The following LRFN2 variants were observed in gnomAD, a reference collection of about 807,000 sequenced individuals.
LRFN2 encodes leucine rich repeat and fibronectin type III domain containing 2.
In LRFN2, 18 loss-of-function variants were observed where a neutral mutation model predicts 37.3. That is an observed-to-expected ratio of 0.48 (90% CI 0.33 to 0.72). The LOEUF (loss-of-function observed/expected upper bound fraction) is 0.72. Ranked by LOEUF, LRFN2 falls within the 30% of genes least tolerant of loss-of-function variation. LRFN2 has a pLI of 0.02. For missense variants in LRFN2, 1,006 were observed against 1,060.7 expected (o/e 0.95, Z 0.72); for synonymous variants, 556 against 466.6 (o/e 1.19, Z -2.47).
intron 2 of LRFN2, among the ~76,000 whole-genome samples, chr6:40,423,648 C>G (rs1763280232): frequency 6.6e-6 from 1 of 152,154 alleles, no homozygotes; most frequent in African/African-American, 2.4e-5. Flanking sequence ...TGCATTGTGC[C>G]TAACTTGGAA....
chr6:40,511,501 C>T (rs1208705593), intron 1 of LRFN2, among the ~76,000 whole-genome samples: 1 of 152,182 alleles, frequency 6.6e-6, no homozygotes, highest in African/African-American at 2.4e-5. Flanking sequence ...CTCTCTAAGT[C>T]ACAAACTGGT....
rs548305287 is a variant in LRFN2, at chr6:40,446,396, G to A, written c.-18-13265C>T. The stretch of plus-strand genomic sequence containing the variant: ...CTGCTCACCTGTTATGGGGGCTACA[G>A]AGGAGAAAGGATCTCCCCCTTCCCT... On this transcript the variant is annotated intron_variant, in intron 1 of 2. Coordinates refer to ENST00000338305, the MANE Select transcript of LRFN2 (RefSeq NM_020737.3). Among the ~76,000 whole-genome samples, 434 of 152,338 alleles carry A rather than the reference G, an allele frequency of 2.8e-3. 3 individuals are homozygous for A. The highest frequency in any genetic ancestry group is 9.8e-3 in the African/African-American group (408 of 41,566).
chr6:40,410,479 C>T (rs1350652311), intron 2 of LRFN2, among the ~76,000 whole-genome samples: 1 of 152,154 alleles, frequency 6.6e-6, no homozygotes, highest in South Asian at 2.1e-4. Context: ...TTGACTATAT[C>T]TTTACTCCCT....
chr6:40,569,553 G>A (rs1050525934), intron 1 of LRFN2, among the ~76,000 whole-genome samples: 3 of 152,178 alleles, frequency 2.0e-5, no homozygotes, highest in African/African-American at 7.2e-5. Flanking sequence ...GTGGTTGGGG[G>A]CAGGAGCGGC....
intron 1 of LRFN2, among the ~76,000 whole-genome samples, chr6:40,560,039 T>C (rs912987281): frequency 3.3e-5 from 5 of 152,144 alleles, no homozygotes; most frequent in African/African-American, 1.2e-4. Context: ...CCTTCCTCTC[T>C]GCATTGTCTC....
At chr6:40,515,607 G>A (rs1173295575) in intron 1 of LRFN2, among the ~76,000 whole-genome samples, 2 of 152,134 alleles carry the variant, frequency 1.3e-5, no homozygotes, top group African/African-American at 2.4e-5. Context: ...TAAGAATTCC[G>A]GCTGGGCGCG....
intron 1 of LRFN2, among the ~76,000 whole-genome samples, chr6:40,485,655 G>A (rs1363059788): frequency 6.6e-6 from 1 of 152,162 alleles, no homozygotes; most frequent in Non-Finnish European, 1.5e-5. Flanking sequence ...AGGCCAGGCT[G>A]CTCCTTAGAG....
chr6:40,460,275 T>C (rs2113849422), intron 1 of LRFN2, among the ~76,000 whole-genome samples: 1 of 152,274 alleles, frequency 6.6e-6, no homozygotes, highest in African/African-American at 2.4e-5. Flanking sequence ...TCACCAGGGT[T>C]CTGGCCACAG....
chr6:40,578,156 T>C (rs1375802121), intron 1 of LRFN2, among the ~76,000 whole-genome samples: 2 of 152,166 alleles, frequency 1.3e-5, no homozygotes, highest in Non-Finnish European at 2.9e-5. Flanking sequence ...CTAACTCCCA[T>C]CCTCTGGGGT....
At chr6:40,548,745 T>C (rs1766711387) in intron 1 of LRFN2, among the ~76,000 whole-genome samples, 1 of 152,196 alleles carries the variant, frequency 6.6e-6, no homozygotes, top group Non-Finnish European at 1.5e-5. Context: ...GTTGGGAGAA[T>C]GTATTCTCTC....
intron 1 of LRFN2, among the ~76,000 whole-genome samples, chr6:40,563,297 A>G (rs1473660679): frequency 6.6e-6 from 1 of 152,126 alleles, no homozygotes; most frequent in Non-Finnish European, 1.5e-5. Context: ...TAGACTCACA[A>G]GCACAGCAGC....
intron 1 of LRFN2, among the ~76,000 whole-genome samples, chr6:40,499,387 CATT>C (rs1033173597): frequency 6.7e-6 from 1 of 150,160 alleles, no homozygotes; most frequent in Non-Finnish European, 1.5e-5. Context: ...TCCTTCCAGA[CATT>C]TTTTTTTTTA....
intron 1 of LRFN2, among the ~76,000 whole-genome samples, chr6:40,584,572 A>G (rs1286558743): frequency 6.6e-6 from 1 of 152,166 alleles, no homozygotes; most frequent in Non-Finnish European, 1.5e-5. Flanking sequence ...CTCTGCTTCC[A>G]GTCTAGCAGC....
chr6:40,435,014 C>CATATATATATATAT (rs368583078), intron 1 of LRFN2, among the ~76,000 whole-genome samples: 2 of 47,994 alleles, frequency 4.2e-5, no homozygotes, highest in African/African-American at 6.5e-5. Context: ...AATGGTTTTA[C>CATATATATATATAT]ATATATATAT....
At chr6:40,519,536 G>T (rs186205441) in intron 1 of LRFN2, among the ~76,000 whole-genome samples, 151 of 152,312 alleles carry the variant, frequency 9.9e-4, no homozygotes, top group Non-Finnish European at 1.2e-3. Context: ...GGGTCCTCTT[G>T]TCTTCTTGTG....
intron 2 of LRFN2, among the ~76,000 whole-genome samples, chr6:40,405,876 T>C (rs575216325): frequency 6.6e-6 from 1 of 152,296 alleles, no homozygotes; most frequent in East Asian, 1.9e-4. Context: ...GCGTTAGGCC[T>C]TACCTGGTGA....
At chr6:40,459,483 A>G (rs1461415688) in intron 1 of LRFN2, among the ~76,000 whole-genome samples, 1 of 152,330 alleles carries the variant, frequency 6.6e-6, no homozygotes, top group East Asian at 1.9e-4. Flanking sequence ...TGTGTCAAGT[A>G]TAGACAAAAC....
chr6:40,444,840 T>G (rs970429065), intron 1 of LRFN2, among the ~76,000 whole-genome samples: 1 of 151,326 alleles, frequency 6.6e-6, no homozygotes, highest in Non-Finnish European at 1.5e-5. Flanking sequence ...AAATAGGGCT[T>G]CTTTTTTCCT....
At chr6:40,532,678 G>A (rs1706962707) in intron 1 of LRFN2, among the ~76,000 whole-genome samples, 1 of 152,206 alleles carries the variant, frequency 6.6e-6, no homozygotes, top group Admixed American at 6.5e-5. Flanking sequence ...TTCCCAGTCA[G>A]AATTAATTAA....
Sources: allele counts gnomAD v4.1 joint callset (sites outside exome capture counted in the v4.1 genomes callset), GRCh38; gene constraint gnomAD v4.1.1; transcripts MANE v1.5; gene names NCBI Gene and HGNC (gene_info 2026-07-23, HGNC 2026-07-21).